The following SMYD2 variants were observed in gnomAD, a reference collection of about 807,000 sequenced individuals.
The protein encoded by SMYD2 is SET and MYND domain containing 2.
In SMYD2, 53 loss-of-function variants were observed where a neutral mutation model predicts 59.1. The observed-to-expected ratio is 0.90, with a 90% confidence interval of 0.72 to 1.13. The LOEUF (loss-of-function observed/expected upper bound fraction) is 1.13, where lower values mean the gene tolerates loss of function less well. SMYD2 is among the 50% of genes most tolerant of loss of function. The probability of loss-of-function intolerance (pLI) is 0.00; values close to 1 mark genes in which losing one functional copy is unlikely to be tolerated. For synonymous variants in SMYD2, 208 were observed against 198.8 expected, an observed-to-expected ratio of 1.05 and a Z score of -0.39; for missense variants, 494 against 544.7, an observed-to-expected ratio of 0.91 and a Z score of 0.93.
intron 1 of SMYD2, among the ~76,000 whole-genome samples, chr1:214,281,762 C>T (rs1656454183): frequency 6.6e-6 from 1 of 152,262 alleles, no homozygotes; most frequent in Non-Finnish European, 1.5e-5. Flanking sequence ...AGCCTGGGCA[C>T]TCACTGCCCT....
intron 1 of SMYD2, among the ~76,000 whole-genome samples, chr1:214,292,336 T>C (rs950389629): frequency 6.6e-6 from 1 of 152,194 alleles, no homozygotes. Context: ...CACACATATA[T>C]GCACCTTGCT....
At chr1:214,309,181 T>G (rs945961683) in intron 2 of SMYD2, among the ~76,000 whole-genome samples, 1 of 152,246 alleles carries the variant, frequency 6.6e-6, no homozygotes, top group Non-Finnish European at 1.5e-5. Flanking sequence ...CTTAGTTCAC[T>G]TGACTCAGTG....
At chr1:214,294,214 A>G (rs924759485) in intron 1 of SMYD2, among the ~76,000 whole-genome samples, 5 of 152,232 alleles carry the variant, frequency 3.3e-5, no homozygotes, top group African/African-American at 9.6e-5. Flanking sequence ...TTCAAACGGT[A>G]TCCGATCAGT....
At chr1:214,313,180 A>C (rs147732749) in intron 2 of SMYD2, among the ~76,000 whole-genome samples, 430 of 151,820 alleles carry the variant, frequency 2.8e-3, no homozygotes, top group Non-Finnish European at 5.4e-3. Flanking sequence ...GTAGCGGTGC[A>C]CTCTCGGCTC....
intron 1 of SMYD2, among the ~76,000 whole-genome samples, chr1:214,286,056 A>T (rs1381221440): frequency 2.0e-5 from 3 of 152,342 alleles, no homozygotes; most frequent in East Asian, 1.9e-4. Context: ...TTTCAGTAGA[A>T]ACCGCAAAGC....
In SMYD2 at chr1:214,332,055, G is replaced by C. The variant is rs772296667; in HGVS notation, c.975G>C (p.Gln325His). Residue 325 changes from glutamine to histidine, a missense_variant, in exon 10 of 12, where the codon CAG (glutamine) becomes CAC (histidine). Transcript: ENST00000366957. ...SELLEICELS[Q>H]EKMSSVFEDS... is the part of the protein sequence containing the mutation. ...TGCTGGAGATCTGCGAGCTCAGCCA[G>C]GAGAAGATGAGCTCTGTGTTTGAGG... 1.2e-6 allele frequency: 2 copies of C among 1,613,962 alleles called. No individual in the cohort carries two copies. The highest frequency in any genetic ancestry group is 1.7e-6 in the Non-Finnish European group (2 of 1,180,028).
chr1:214,287,255 G>A (rs1181519057), intron 1 of SMYD2, among the ~76,000 whole-genome samples: 1 of 151,964 alleles, frequency 6.6e-6, no homozygotes, highest in Admixed American at 6.6e-5. Context: ...CACTGGGAAG[G>A]AAATACTGGA....
At chr1:214,317,415 G>A (rs548667123) in intron 3 of SMYD2, among the ~76,000 whole-genome samples, 1 of 152,322 alleles carries the variant, frequency 6.6e-6, no homozygotes, top group South Asian at 2.1e-4. Flanking sequence ...AGGTGAGCGT[G>A]CCCTGCTAGA....
intron 2 of SMYD2, among the ~76,000 whole-genome samples, chr1:214,314,336 A>G (rs989054440): frequency 2.0e-5 from 3 of 152,002 alleles, no homozygotes; most frequent in Admixed American, 6.6e-5. Flanking sequence ...GTGTAAGTCA[A>G]CTCTCCATTA....
In SMYD2 at chr1:214,330,236, T is replaced by C. The variant is rs775036371; in HGVS notation, c.774T>C (p.Tyr258=). The change falls in exon 8 of 12, where the codon TAT becomes TAC. Residue 258 remains tyrosine, a synonymous_variant. Coordinates refer to ENST00000366957, the MANE Select transcript of SMYD2 (RefSeq NM_020197.3). ...EDRNDRLRDS[Y]FFTCECQECT... is the part of the protein sequence containing the mutation. ...GAAATGACCGGTTAAGAGATTCTTATTTCTTTACCTGTGAGTGCCAGGAGT... is the reference window on the plus strand; with the variant it reads ...GAAATGACCGGTTAAGAGATTCTTACTTCTTTACCTGTGAGTGCCAGGAGT... The C allele has an allele frequency of 6.2e-7, 1 of 1,613,470 alleles. No homozygotes were observed. Among genetic ancestry groups the C allele is most frequent in the African/African-American group, 1.3e-5 (1 of 74,920 alleles).
Position 214,318,129 on chromosome 1 carries a change from G to A in SMYD2, c.399G>A (p.Glu133=). The change falls in exon 4 of 12, where the codon GAG becomes GAA. Residue 133 remains glutamate (E), a synonymous_variant. Transcript: ENST00000366957. This position sits in a 1 kb window ranked among gnomAD's most constrained non-coding sequence, Gnocchi z 5.4. The part of the protein sequence containing the change: ...TPSEKLLAVK[E]FESHLDKLDN... ...CGGAAAAATTGTTAGCTGTGAAGGA[G>A]TTTGAATCACGTAAGTCTTTCTGTG... 6.2e-7 allele frequency: 1 copy of A among 1,613,930 alleles called. No individual in the cohort carries two copies. The highest frequency in any genetic ancestry group is 8.5e-7 in the Non-Finnish European group (1 of 1,179,994).
At chr1:214,282,000 C>T (rs1656458688) in intron 1 of SMYD2, among the ~76,000 whole-genome samples, 2 of 152,194 alleles carry the variant, frequency 1.3e-5, no homozygotes, top group Admixed American at 6.5e-5. Flanking sequence ...GACCACACCC[C>T]CTGGATTCTG....
rs1046938463 is a variant in SMYD2, at chr1:214,281,231, C to G, written c.-24C>G. The G allele has an allele frequency of 6.5e-6, 8 of 1,228,626 alleles. No individual in the cohort carries two copies. In the African/African-American group the frequency reaches 9.4e-5, roughly 14 times the overall value. 76.1% of individuals were successfully genotyped at this position (1,228,626 alleles called of 1,614,324 possible). On this transcript the variant is annotated 5_prime_UTR_variant, in exon 1 of 12. Transcript: ENST00000366957. ...CCGGGAGCCGCAGCTCGGGCACAGC[C>G]GGCGGCCGCGCCCCGCCGCCACCAT...
Position 214,330,196 on chromosome 1 carries a change from A to T in SMYD2, c.734A>T (p.Tyr245Phe). The T allele has an allele frequency of 6.2e-7, 1 of 1,613,362 alleles. No homozygotes were observed. The highest frequency in any genetic ancestry group is 2.2e-5 in the East Asian group (1 of 44,872). ...EVFTSYIDLLYPTEDRNDRLR... is the reference protein window; with the variant it reads ...EVFTSYIDLLFPTEDRNDRLR... Reference sequence around the variant, plus strand: ...TTTACCAGCTATATTGATCTCCTGTACCCAACGGAAGATAGAAATGACCGG... The same window carrying T: ...TTTACCAGCTATATTGATCTCCTGTTCCCAACGGAAGATAGAAATGACCGG... The change falls in exon 8 of 12, where the codon TAC (tyrosine) becomes TTC (phenylalanine). Residue 245 changes from tyrosine (Y) to phenylalanine (F), a missense_variant. By Grantham distance (22) the Tyr-to-Phe change is conservative. Transcript: ENST00000366957.
Position 214,327,672 on chromosome 1 carries a change from A to G in SMYD2, c.653A>G (p.Lys218Arg), listed in dbSNP as rs1571933765. The G allele has an allele frequency of 3.1e-6, 5 of 1,614,194 alleles. No individual in the cohort carries two copies. Among genetic ancestry groups the G allele is most frequent in the Middle Eastern group, 1.6e-4 (1 of 6,062 alleles). ...SCCPNVIVTY[K>R]GTLAEVRAVQ... is the part of the protein sequence containing the mutation. ...TGCCCCAATGTCATTGTGACCTACAAAGGGACCCTGGCAGAAGTCAGAGCT... is the reference window on the plus strand; with the variant it reads ...TGCCCCAATGTCATTGTGACCTACAGAGGGACCCTGGCAGAAGTCAGAGCT... Residue 218 changes from lysine to arginine, a missense_variant, in exon 7 of 12, where the codon AAA becomes AGA. Coordinates refer to ENST00000366957, the MANE Select transcript of SMYD2 (RefSeq NM_020197.3).
chr1:214,283,282 C>T (rs1253087481), intron 1 of SMYD2, among the ~76,000 whole-genome samples: 1 of 152,190 alleles, frequency 6.6e-6, no homozygotes, highest in Non-Finnish European at 1.5e-5. Flanking sequence ...TTTGCTGCCT[C>T]TTTTGTTGTT....
At chr1:214,293,268 G>T (rs1656668316) in intron 1 of SMYD2, among the ~76,000 whole-genome samples, 1 of 152,030 alleles carries the variant, frequency 6.6e-6, no homozygotes, top group South Asian at 2.1e-4. Context: ...TGGCCAGGCT[G>T]GTCTCGAACT....
chr1:214,317,424 G>C (rs1657104669), intron 3 of SMYD2, among the ~76,000 whole-genome samples: 1 of 152,200 alleles, frequency 6.6e-6, no homozygotes. Flanking sequence ...TGCCCTGCTA[G>C]ACCACCTGTA....
At chr1:214,311,931 G>T (rs1657004004) in intron 2 of SMYD2, among the ~76,000 whole-genome samples, 1 of 152,056 alleles carries the variant, frequency 6.6e-6, no homozygotes, top group South Asian at 2.1e-4. Flanking sequence ...TCCCCAGCTG[G>T]TAGGTCCCCA....
Sources: allele counts gnomAD v4.1 joint callset (sites outside exome capture counted in the v4.1 genomes callset), GRCh38; gene constraint gnomAD v4.1.1; non-coding constraint Gnocchi (gnomAD v3.1); transcripts MANE v1.5; gene names NCBI Gene and HGNC (gene_info 2026-07-23, HGNC 2026-07-21).